The following TBC1D5 variants were observed in gnomAD, a reference collection of about 807,000 sequenced individuals.
TBC1D5 encodes TBC1 domain family, member 5.
In TBC1D5, 75 loss-of-function variants were observed where a neutral mutation model predicts 100.3. The ratio of observed to expected loss-of-function variants is 0.75; its 90% CI spans 0.62 to 0.91. The LOEUF (loss-of-function observed/expected upper bound fraction) is 0.91, where lower values mean the gene tolerates loss of function less well. Among genes scored for constraint, TBC1D5 ranks in the 40% least tolerant of loss-of-function variants. The probability of loss-of-function intolerance (pLI) is 0.00; values close to 1 mark genes in which losing one functional copy is unlikely to be tolerated. For missense variants in TBC1D5, 910 were observed against 942.4 expected, an observed-to-expected ratio of 0.97 and a Z score of 0.45; for synonymous variants, 323 against 325.6, an observed-to-expected ratio of 0.99 and a Z score of 0.09.
chr3:17,302,200 T>C (rs928800018), intron 14 of TBC1D5, among the ~76,000 whole-genome samples: 2 of 152,218 alleles, frequency 1.3e-5, no homozygotes, highest in African/African-American at 4.8e-5. Flanking sequence ...CTTCTGGTAA[T>C]GGCTGAAAAT....
intron 1 of TBC1D5, among the ~76,000 whole-genome samples, chr3:17,641,026 T>C (rs920775396): frequency 1.3e-5 from 2 of 152,080 alleles, no homozygotes; most frequent in Non-Finnish European, 2.9e-5. Flanking sequence ...TTTCCTTTCA[T>C]CTACTACTTG....
chr3:17,517,485 A>C (rs993346979), intron 2 of TBC1D5, among the ~76,000 whole-genome samples: 4 of 152,240 alleles, frequency 2.6e-5, no homozygotes, highest in African/African-American at 9.6e-5. Context: ...AATAAATAAT[A>C]AAAGAACCAC....
intron 21 of TBC1D5, among the ~76,000 whole-genome samples, chr3:17,161,526 A>G (rs2066053262): frequency 1.3e-5 from 2 of 152,252 alleles, no homozygotes; most frequent in Admixed American, 6.5e-5. Context: ...CAAGCTTCAG[A>G]CAGAGGCAGT....
chr3:17,672,855 C>A (rs576659408), intron 1 of TBC1D5, among the ~76,000 whole-genome samples: 2 of 151,902 alleles, frequency 1.3e-5, no homozygotes, highest in Non-Finnish European at 2.9e-5. Flanking sequence ...AAACACCGAG[C>A]CCTACAGAGC....
rs531972404 is a variant in TBC1D5, at chr3:17,574,077, C to T, written c.-36+49772G>A. Among the ~76,000 whole-genome samples the T allele has an allele frequency of 2.0e-5, 3 of 152,008 alleles. No homozygotes were observed. The South Asian group carries it at 6.2e-4, about 32-fold the overall frequency. On this transcript the variant is annotated intron_variant, in intron 2 of 21. Coordinates refer to ENST00000253692, the Ensembl canonical transcript of TBC1D5. ...AATAAATGTAATTTCTGCTTGGTCG[C>T]TCTCACCTCTGTCTTTAATGCAGAA...
rs1436328442 is a variant in TBC1D5, at chr3:17,643,243, T to C, written c.-100-19330A>G. On this transcript the variant is annotated intron_variant, in intron 1 of 21. Coordinates refer to ENST00000253692, the Ensembl canonical transcript of TBC1D5. ...TCTTCTCATGATGAAACTGAGCTTA[T>C]ATATTTTTGGCAAGAATATCATATA... is the stretch of plus-strand genomic sequence containing the variant. 2.0e-5 allele frequency among the ~76,000 whole-genome samples: 3 copies of C among 152,122 alleles called. No individual in the cohort carries two copies. In the East Asian group the frequency reaches 5.8e-4, roughly 29 times the overall value.
At position 17,579,796 on chromosome 3, in the gene TBC1D5, A is replaced by AT. The variant is rs2096681787; in HGVS notation, c.-36+44052dup. ...AAAACCACAGAAAGCAAAACCACAGATAAGAGGGAACTACTGTTATCACTA... is the reference window on the plus strand; with the variant it reads ...AAAACCACAGAAAGCAAAACCACAGATTAAGAGGGAACTACTGTTATCACTA... On this transcript the variant is annotated intron_variant, in intron 2 of 21. Transcript: ENST00000253692. 7.2e-5 allele frequency among the ~76,000 whole-genome samples: 11 copies of AT among 152,260 alleles called. No individual in the cohort carries two copies. In the South Asian group the frequency reaches 2.3e-3, roughly 32 times the overall value.
intron 13 of TBC1D5, among the ~76,000 whole-genome samples, chr3:17,349,694 G>T (rs1189164595): frequency 8.5e-5 from 13 of 152,152 alleles, no homozygotes. Flanking sequence ...GAAAATTATT[G>T]TTTTGTCCTT....
chr3:17,522,577 A>C (rs749690188), intron 2 of TBC1D5, among the ~76,000 whole-genome samples: 17 of 152,250 alleles, frequency 1.1e-4, no homozygotes, highest in Middle Eastern at 3.4e-3. Flanking sequence ...CAATTCTATA[A>C]ACTCTACATA....
intron 2 of TBC1D5, among the ~76,000 whole-genome samples, chr3:17,534,652 C>T (rs2096265999): frequency 6.6e-6 from 1 of 152,218 alleles, no homozygotes; most frequent in South Asian, 2.1e-4. Flanking sequence ...TAGATGATGT[C>T]GGTGTTACAA....
chr3:17,676,672 A>G (rs2068678990), intron 1 of TBC1D5, among the ~76,000 whole-genome samples: 1 of 152,218 alleles, frequency 6.6e-6, no homozygotes, highest in African/African-American at 2.4e-5. Flanking sequence ...ATATGGAACC[A>G]AAAAAGAGCC....
chr3:17,206,351 G>C (rs1328192088), intron 18 of TBC1D5, among the ~76,000 whole-genome samples: 2 of 151,952 alleles, frequency 1.3e-5, no homozygotes, highest in Non-Finnish European at 2.9e-5. Flanking sequence ...TTCACTCTAA[G>C]CATCTTCATT....
chr3:17,633,281 T>C (rs2063642685), intron 1 of TBC1D5, among the ~76,000 whole-genome samples: 1 of 151,776 alleles, frequency 6.6e-6, no homozygotes, highest in South Asian at 2.1e-4. Context: ...TACTAAAAAA[T>C]ACAAAAATTA....
intron 13 of TBC1D5, among the ~76,000 whole-genome samples, chr3:17,354,446 C>T (rs1193808461): frequency 6.6e-6 from 1 of 152,102 alleles, no homozygotes; most frequent in Non-Finnish European, 1.5e-5. Flanking sequence ...AGGAGAATCT[C>T]TTCTCCCCTT....
intron 2 of TBC1D5, among the ~76,000 whole-genome samples, chr3:17,589,140 A>T (rs1239634228): frequency 6.6e-6 from 1 of 152,362 alleles, no homozygotes; most frequent in East Asian, 1.9e-4. Flanking sequence ...AGTTCTGAGA[A>T]GATTTTAAGC....
intron 13 of TBC1D5, among the ~76,000 whole-genome samples, chr3:17,358,663 A>G (rs555756336): frequency 6.6e-6 from 1 of 152,328 alleles, no homozygotes; most frequent in South Asian, 2.1e-4. Context: ...GATGCCTCTT[A>G]GAGCTTAGAT....
At chr3:17,245,084 T>C (rs571604087) in intron 16 of TBC1D5, among the ~76,000 whole-genome samples, 139 of 149,676 alleles carry the variant, frequency 9.3e-4, no homozygotes, top group African/African-American at 3.3e-3. Flanking sequence ...TCCCAGCTAC[T>C]TGAGGGGCTA....
intron 21 of TBC1D5, among the ~76,000 whole-genome samples, chr3:17,165,088 T>C (rs1218504797): frequency 1.3e-5 from 2 of 152,186 alleles, no homozygotes; most frequent in Admixed American, 6.5e-5. Context: ...TCTTGGATAC[T>C]GCACGTGATG....
chr3:17,732,301 G>A (rs2076627674), intron 1 of TBC1D5, among the ~76,000 whole-genome samples: 1 of 151,938 alleles, frequency 6.6e-6, no homozygotes, highest in Non-Finnish European at 1.5e-5. Context: ...CTGGGCAACA[G>A]AGCGAGACTC....
Sources: allele counts gnomAD v4.1 joint callset (sites outside exome capture counted in the v4.1 genomes callset), GRCh38; gene constraint gnomAD v4.1.1; transcripts MANE v1.5; gene names NCBI Gene and HGNC (gene_info 2026-07-23, HGNC 2026-07-21).